The following KCNS3 variants were observed in gnomAD, a reference collection of about 807,000 sequenced individuals.
KCNS3 encodes potassium voltage-gated channel modifier subfamily S member 3.
In KCNS3, 13 loss-of-function variants were observed where a neutral mutation model predicts 31.0. That is an observed-to-expected ratio of 0.42 (90% confidence interval 0.27 to 0.67). KCNS3 has a LOEUF of 0.67. Ranked by LOEUF, KCNS3 falls within the 30% of genes least tolerant of loss-of-function variation. KCNS3 has a pLI of 0.25. For missense variants in KCNS3, 545 were observed against 622.4 expected (o/e 0.88, Z 1.32); for synonymous variants, 238 against 241.5 (o/e 0.99, Z 0.13).
intron 1 of KCNS3, among the ~76,000 whole-genome samples, chr2:17,908,393 C>T (rs1180088998): frequency 6.6e-6 from 1 of 152,166 alleles, no homozygotes; most frequent in Non-Finnish European, 1.5e-5. Context: ...AGCTTCTTTG[C>T]CATGGGTTCG....
At chr2:17,927,600 G>A (rs1662867238) in intron 2 of KCNS3, among the ~76,000 whole-genome samples, 1 of 152,150 alleles carries the variant, frequency 6.6e-6, no homozygotes, top group African/African-American at 2.4e-5. Flanking sequence ...TTACATGGTG[G>A]CAGATGAGAG....
chr2:17,907,526 C>T (rs1662357284), intron 1 of KCNS3, among the ~76,000 whole-genome samples: 1 of 152,114 alleles, frequency 6.6e-6, no homozygotes, highest in African/African-American at 2.4e-5. Context: ...TTATTTTGCT[C>T]GTTAGTTGAT....
intron 1 of KCNS3, among the ~76,000 whole-genome samples, chr2:17,898,108 G>A (rs1388798767): frequency 6.6e-6 from 1 of 152,146 alleles, no homozygotes; most frequent in Non-Finnish European, 1.5e-5. Flanking sequence ...TCAGATGGTT[G>A]TGGGTATGTG....
At chr2:17,922,781 G>A (rs1468015468) in intron 2 of KCNS3, among the ~76,000 whole-genome samples, 3 of 151,182 alleles carry the variant, frequency 2.0e-5, no homozygotes, top group Admixed American at 2.0e-4. Context: ...CTTTTTTTAA[G>A]TAGACCTTTT....
At chr2:17,882,742 A>G (rs1251459526) in intron 1 of KCNS3, among the ~76,000 whole-genome samples, 3 of 152,244 alleles carry the variant, frequency 2.0e-5, no homozygotes, top group African/African-American at 2.4e-5. Context: ...TATCATGAAC[A>G]TAATAACAAG....
chr2:17,908,163 T>G (rs1332002860), intron 1 of KCNS3, among the ~76,000 whole-genome samples: 1 of 152,226 alleles, frequency 6.6e-6, no homozygotes, highest in Non-Finnish European at 1.5e-5. Context: ...TCATTTCTCT[T>G]TACTCTTTTT....
chr2:17,931,988 T>C lies in KCNS3; in HGVS notation c.980T>C (p.Leu327Pro), dbSNP rs1247162363. ...LRHSYHEVGL[L>P]LLFLSVGISI... ...CACAGCTACCATGAAGTTGGGCTTCTGCTTCTCTTCCTCTCTGTGGGCATT... is the reference window on the plus strand; with the variant it reads ...CACAGCTACCATGAAGTTGGGCTTCCGCTTCTCTTCCTCTCTGTGGGCATT... The change falls in exon 3 of 3, where the codon CTG becomes CCG. Residue 327 changes from leucine (L) to proline (P), a missense_variant. Transcript: ENST00000304101. This position sits in a 1 kb window ranked among gnomAD's most constrained non-coding sequence, Gnocchi z 5.4. 1.1e-5 allele frequency: 17 copies of C among 1,614,028 alleles called. No individual in the cohort carries two copies. Among genetic ancestry groups the C allele is most frequent in the Non-Finnish European group, 1.4e-5 (17 of 1,180,028 alleles).
At chr2:17,906,202 TC>T (rs1212655439) in intron 1 of KCNS3, among the ~76,000 whole-genome samples, 4 of 152,210 alleles carry the variant, frequency 2.6e-5, no homozygotes, top group African/African-American at 9.6e-5. Context: ...GGTGTATGTG[TC>T]CAGGAATTTA....
At chr2:17,916,523 C>A (rs11096498) in intron 1 of KCNS3, among the ~76,000 whole-genome samples, 87,162 of 152,052 alleles carry the variant, frequency 0.57, 27,483 homozygotes, top group Non-Finnish European at 0.73. Flanking sequence ...GCTTCTGGAT[C>A]TTTCTTCAGT....
chr2:17,883,875 G>T (rs1674697830), intron 1 of KCNS3, among the ~76,000 whole-genome samples: 1 of 152,036 alleles, frequency 6.6e-6, no homozygotes, highest in Non-Finnish European at 1.5e-5. Context: ...AACAATGATA[G>T]ACTGGATTAA....
At chr2:17,921,911 G>GTATATATA (rs781288456) in intron 2 of KCNS3, among the ~76,000 whole-genome samples, 48 of 100,406 alleles carry the variant, frequency 4.8e-4, no homozygotes, top group East Asian at 1.3e-3. Context: ...ATGTGTGTGT[G>GTATATATA]TGTGTATATA....
intron 1 of KCNS3, among the ~76,000 whole-genome samples, chr2:17,907,796 C>A (rs1314165909): frequency 6.6e-6 from 1 of 152,222 alleles, no homozygotes; most frequent in Non-Finnish European, 1.5e-5. Context: ...CCCCCACTCT[C>A]TTCTGGGTTG....
At chr2:17,893,756 A>G (rs1199318002) in intron 1 of KCNS3, among the ~76,000 whole-genome samples, 1 of 151,728 alleles carries the variant, frequency 6.6e-6, no homozygotes, top group Non-Finnish European at 1.5e-5. Flanking sequence ...TGGGGCACTC[A>G]CAGTATTTGT....
intron 1 of KCNS3, among the ~76,000 whole-genome samples, chr2:17,917,137 C>T (rs182043866): frequency 2.6e-5 from 4 of 152,130 alleles, no homozygotes; most frequent in East Asian, 1.9e-4. Context: ...TGTGATTGCA[C>T]CTGTGTCATT....
intron 2 of KCNS3, among the ~76,000 whole-genome samples, chr2:17,925,119 A>C (rs908010176): frequency 6.6e-6 from 1 of 152,182 alleles, no homozygotes; most frequent in Admixed American, 6.5e-5. Context: ...CCTCTTGACT[A>C]TCTGAATGGA....
At chr2:17,928,791 A>C (rs1662891986) in intron 2 of KCNS3, among the ~76,000 whole-genome samples, 1 of 151,812 alleles carries the variant, frequency 6.6e-6, no homozygotes, top group South Asian at 2.1e-4. Context: ...CTGTCTGCCC[A>C]CTTTTACAGA....
intron 1 of KCNS3, among the ~76,000 whole-genome samples, chr2:17,886,328 A>G (rs531441239): frequency 6.6e-6 from 1 of 152,306 alleles, no homozygotes. Flanking sequence ...GGCCAAAGAG[A>G]TGGGAGAACT....
At chr2:17,885,164 G>C (rs1487309307) in intron 1 of KCNS3, among the ~76,000 whole-genome samples, 1 of 152,126 alleles carries the variant, frequency 6.6e-6, no homozygotes, top group Non-Finnish European at 1.5e-5. Flanking sequence ...CTTAAATAGA[G>C]AGACACTAAT....
intron 1 of KCNS3, among the ~76,000 whole-genome samples, chr2:17,905,347 A>C (rs1193264407): frequency 6.6e-6 from 1 of 152,202 alleles, no homozygotes; most frequent in Non-Finnish European, 1.5e-5. Flanking sequence ...TTATCAGCTT[A>C]AGGAGATTTT....
Sources: allele counts gnomAD v4.1 joint callset (sites outside exome capture counted in the v4.1 genomes callset), GRCh38; gene constraint gnomAD v4.1.1; non-coding constraint Gnocchi (gnomAD v3.1); transcripts MANE v1.5; gene names NCBI Gene and HGNC (gene_info 2026-07-23, HGNC 2026-07-21).